CDH3: variants seen among roughly 807,000 people sequenced by gnomAD.
The protein encoded by CDH3 is cadherin-3.
A neutral mutation model predicts 82.0 loss-of-function variants in CDH3; 54 were observed. That is an observed-to-expected ratio of 0.66 (90% confidence interval 0.53 to 0.83). The LOEUF is 0.83. Among genes scored for constraint, CDH3 ranks in the 40% least tolerant of loss-of-function variants. The probability of loss-of-function intolerance (pLI) is 0.00; values close to 1 mark genes in which losing one functional copy is unlikely to be tolerated. For missense variants in CDH3, 1,054 were observed against 1,084.6 expected (o/e 0.97, Z 0.40); for synonymous variants, 446 against 437.9 (o/e 1.02, Z -0.23).
chr16:68,655,641 C>G (rs548585953), intron 2 of CDH3, among the ~76,000 whole-genome samples: 3 of 152,066 alleles, frequency 2.0e-5, no homozygotes, highest in Non-Finnish European at 4.4e-5. Context: ...GTCAGGAGTT[C>G]GAAACCAGCC....
At position 68,679,836 on chromosome 16, in the gene CDH3, T is replaced by C. The variant is rs1311685412; in HGVS notation, c.729T>C (p.Asp243=). 1 of 1,612,756 alleles carries C rather than the reference T, an allele frequency of 6.2e-7. No individual in the cohort carries two copies. The highest frequency in any genetic ancestry group is 1.1e-5 in the South Asian group (1 of 91,028). Reference sequence around the variant, plus strand: ...TGCAGGTGACAGCCACGGATGAGGATGATGCCATCTACACCTACAATGGGG... The same window carrying C: ...TGCAGGTGACAGCCACGGATGAGGACGATGCCATCTACACCTACAATGGGG... ...SVMQVTATDE[D]DAIYTYNGVV... Residue 243 remains aspartate, a synonymous_variant, in exon 7 of 16, where the codon GAT becomes GAC. Transcript: ENST00000264012.
intron 2 of CDH3, among the ~76,000 whole-genome samples, chr16:68,659,656 C>T (rs570191063): frequency 5.3e-5 from 8 of 151,144 alleles, no homozygotes; most frequent in Admixed American, 4.0e-4. Context: ...TGTACTGTAG[C>T]CTGGGTAACA....
chr16:68,727,131 TTCTC>T (rs1045503638), intron 2 of CDH3, among the ~76,000 whole-genome samples: 2 of 151,976 alleles, frequency 1.3e-5, no homozygotes, highest in Admixed American at 6.6e-5. Flanking sequence ...TTCACTCACT[TTCTC>T]TCTCTCTCTT....
At chr16:68,697,824 CTG>C (rs902334035) in intron 15 of CDH3, among the ~76,000 whole-genome samples, 2 of 152,144 alleles carry the variant, frequency 1.3e-5, no homozygotes, top group South Asian at 4.1e-4. Context: ...CCTCCCGAGG[CTG>C]TGTCACAGGC....
chr16:68,707,601 A>G lies in CDH3; in HGVS notation c.99+11678A>G, dbSNP rs1249332111. 6.6e-6 allele frequency among the ~76,000 whole-genome samples: 1 copy of G among 152,132 alleles called. No homozygotes were observed. Among genetic ancestry groups the G allele is most frequent in the Non-Finnish European group, 1.5e-5 (1 of 67,998 alleles). Reference sequence around the variant, plus strand: ...TAAGACAGCAGCCCCTAAAGGCTGCAGATGTGGGAGTGACTCACCACCCTG... The same window carrying G: ...TAAGACAGCAGCCCCTAAAGGCTGCGGATGTGGGAGTGACTCACCACCCTG... On this transcript the variant is annotated intron_variant, in intron 1 of 2. Transcript: ENST00000569080. This position sits in a 1 kb window ranked among gnomAD's most constrained non-coding sequence, Gnocchi z 4.5.
rs528427495 is a variant in CDH3, at chr16:68,707,309, G to C, written c.99+11386G>C. On this transcript the variant is annotated intron_variant, in intron 1 of 2. Transcript: ENST00000569080. The surrounding 1 kb of genome is among the most constrained non-coding windows in gnomAD (Gnocchi z 4.5). The stretch of plus-strand genomic sequence containing the variant: ...GCGGGGGGCCAAGGCGCCCAGTCCT[G>C]GGTGTCCTCCTTCACGCCTGGGCTG... Among the ~76,000 whole-genome samples, 4 of 152,258 alleles carry C rather than the reference G, an allele frequency of 2.6e-5. No individual in the cohort carries two copies. The highest frequency in any genetic ancestry group is 2.0e-4 in the Admixed American group (3 of 15,288).
chr16:68,694,432 G>A (rs1450697355), intron 13 of CDH3, among the ~76,000 whole-genome samples: 1 of 151,756 alleles, frequency 6.6e-6, no homozygotes, highest in Non-Finnish European at 1.5e-5. Context: ...GACCAGCCTG[G>A]CCAACATGGT....
intron 2 of CDH3, among the ~76,000 whole-genome samples, chr16:68,658,870 A>C (rs1960480294): frequency 6.6e-6 from 1 of 152,108 alleles, no homozygotes; most frequent in Non-Finnish European, 1.5e-5. Context: ...CTGGTGATCA[A>C]ATTGCCTGGG....
chr16:68,689,961 C>T (rs1961520314), intron 12 of CDH3, among the ~76,000 whole-genome samples: 1 of 152,230 alleles, frequency 6.6e-6, no homozygotes, highest in South Asian at 2.1e-4. Context: ...AAAACTTCCA[C>T]ACAGGCTAAC....
downstream of CDH3, among the ~76,000 whole-genome samples, chr16:68,728,176 TG>T: frequency 6.6e-6 from 1 of 151,964 alleles, no homozygotes; most frequent in Non-Finnish European, 1.5e-5. Flanking sequence ...TTTGTTTGTT[TG>T]TTTTTTGAGA....
At chr16:68,650,990 C>T (rs1176543451) in intron 2 of CDH3, 2 of 258,872 alleles carry the variant, frequency 7.7e-6, no homozygotes, top group Non-Finnish European at 7.7e-6. Context: ...AAAACCCAGA[C>T]AGGGAGACGA....
intron 2 of CDH3, among the ~76,000 whole-genome samples, chr16:68,723,862 G>A (rs1294965766): frequency 1.3e-5 from 2 of 152,210 alleles, no homozygotes; most frequent in Non-Finnish European, 2.9e-5. Context: ...AAGGTCAGGA[G>A]ATCGAGACCA....
rs1961984984 is a variant in CDH3 at position 68,707,943 on chromosome 16, C to T, written c.99+12020C>T. 6.6e-6 allele frequency among the ~76,000 whole-genome samples: 1 copy of T among 152,078 alleles called. No homozygotes were observed. Among genetic ancestry groups the T allele is most frequent in the Non-Finnish European group, 1.5e-5 (1 of 68,006 alleles). On this transcript the variant is annotated intron_variant, in intron 1 of 2. Coordinates refer to the CDH3 transcript ENST00000569080. The surrounding 1 kb of genome is among the most constrained non-coding windows in gnomAD (Gnocchi z 4.5). ...GTCCATCCGGTAAACCACGGCCAGC[C>T]CACAGCTGACAGGGCAGGGCGCTGA...
In CDH3 at chr16:68,675,567, C is replaced by T. The variant is rs374868596; in HGVS notation, c.161-818C>T. 6.0e-4 allele frequency among the ~76,000 whole-genome samples: 91 copies of T among 152,152 alleles called. 1 individual carries two copies. The highest frequency in any genetic ancestry group is 2.3e-3 in the Admixed American group (35 of 15,280). On this transcript the variant is annotated intron_variant, in intron 2 of 15. Transcript: ENST00000264012. Reference sequence around the variant, plus strand: ...ATCCCAGCACTTTGGGAGACCGAGGCGGGTGGATCACAAGGTCAGGAGTTC... The same window carrying T: ...ATCCCAGCACTTTGGGAGACCGAGGTGGGTGGATCACAAGGTCAGGAGTTC...
In CDH3 at chr16:68,698,407, T is replaced by G. The variant is rs777152723; in HGVS notation, c.*7T>G. 10 of 1,613,054 alleles carry G rather than the reference T, an allele frequency of 6.2e-6. No homozygotes were observed. The highest frequency in any genetic ancestry group is 6.8e-6 in the Non-Finnish European group (8 of 1,179,632). On this transcript the variant is annotated 3_prime_UTR_variant, in exon 16 of 16. Coordinates refer to ENST00000264012, the MANE Select transcript of CDH3 (RefSeq NM_001793.6). ...TGGCGGGGAGGACGACTAGGCGGCC[T>G]GCCTGCAGGGCTGGGGACCAAACGT...
chr16:68,692,138 A>G (rs2152105696), intron 13 of CDH3, among the ~76,000 whole-genome samples: 1 of 152,140 alleles, frequency 6.6e-6, no homozygotes, highest in Middle Eastern at 3.4e-3. Flanking sequence ...CCAGGCTCAA[A>G]TGATCTTCCC....
intron 8 of CDH3, 150 bp from the exon 9 acceptor site, chr16:68,682,152 G>A: frequency 1.3e-6 from 1 of 787,178 alleles, no homozygotes; most frequent in Non-Finnish European, 2.1e-6. Flanking sequence ...TCCTGCCGCT[G>A]TGTATACCCT....
At chr16:68,724,298 A>T (rs979601707) in intron 2 of CDH3, among the ~76,000 whole-genome samples, 2 of 152,010 alleles carry the variant, frequency 1.3e-5, no homozygotes, top group African/African-American at 4.8e-5. Flanking sequence ...AAGGGAATTT[A>T]GACTATATAG....
chr16:68,731,049 T>TAC (rs1962280220), downstream of CDH3, among the ~76,000 whole-genome samples: 11 of 17,916 alleles, frequency 6.1e-4, no homozygotes, highest in African/African-American at 1.5e-3. Flanking sequence ...AAAAAAAAAA[T>TAC]ATATATATAT....
Sources: gnomAD v4.1 joint callset for allele counts (sites outside exome capture counted in the v4.1 genomes callset) on GRCh38, gnomAD v4.1.1 for gene constraint, Gnocchi (gnomAD v3.1) non-coding constraint, MANE v1.5 for transcripts, NCBI Gene and HGNC (gene_info 2026-07-23, HGNC 2026-07-21) for gene names.